CACNA1A: variants seen among roughly 807,000 people sequenced by gnomAD.
The protein encoded by CACNA1A is calcium voltage-gated channel subunit alpha1 A.
CACNA1A carries 57 observed loss-of-function variants against 262.4 expected under a neutral mutation model. The ratio of observed to expected loss-of-function variants is 0.22; its 90% CI spans 0.18 to 0.27. The LOEUF (loss-of-function observed/expected upper bound fraction) is 0.27. CACNA1A is among the 10% of genes least tolerant of loss of function. The pLI, the probability that CACNA1A is intolerant of heterozygous loss-of-function variation, is 1.00. For missense variants in CACNA1A, 2,526 were observed against 3,562.8 expected (o/e 0.71, Z 7.41); for synonymous variants, 1,431 against 1,419.3 (o/e 1.01, Z -0.18).
In CACNA1A at chr19:13,447,844, G is replaced by A. The variant is rs139202366; in HGVS notation, c.539+5032C>T. On this transcript the variant is annotated intron_variant, in intron 3 of 46. Transcript: ENST00000360228. ...CTACTCTTTCCAACTTCTTCTGCCT[G>A]CTTTTATTCTGGCCACACTGGCAGC... is the stretch of plus-strand genomic sequence containing the variant. Among the ~76,000 whole-genome samples, 167 of 152,334 alleles carry A rather than the reference G, an allele frequency of 1.1e-3. 4 individuals carry two copies. The East Asian group carries it at 0.029, about 27-fold the overall frequency.
Position 13,236,849 on chromosome 19 carries a change from G to C in CACNA1A, c.4951-1119C>G, listed in dbSNP as rs1040223578. Among the ~76,000 whole-genome samples, 2 of 152,114 alleles carry C rather than the reference G, an allele frequency of 1.3e-5. No individual in the cohort carries two copies. Among genetic ancestry groups the C allele is most frequent in the African/African-American group, 4.8e-5 (2 of 41,412 alleles). ...GCCAGAGAGTTGGAGAGTCAGGGAG[G>C]AGACCAGCTAGAGTTAAGTGGCCAT... On this transcript the variant is annotated intron_variant, in intron 31 of 46. Transcript: ENST00000360228. This position sits in a 1 kb window ranked among gnomAD's most constrained non-coding sequence, Gnocchi z 4.6.
chr19:13,233,886 A>G (rs988160223), intron 34 of CACNA1A, among the ~76,000 whole-genome samples: 1 of 151,984 alleles, frequency 6.6e-6, no homozygotes, highest in Non-Finnish European at 1.5e-5. Flanking sequence ...TTAGCTTCCA[A>G]AGTGCTTAAA....
chr19:13,337,728 A>C lies in CACNA1A; in HGVS notation c.979-1819T>G, dbSNP rs2058600899. Among the ~76,000 whole-genome samples, 4 of 152,282 alleles carry C rather than the reference A, an allele frequency of 2.6e-5. No individual in the cohort carries two copies. The South Asian group carries it at 8.3e-4, about 32-fold the overall frequency. ...AATTAAGTCATGCTTAACAATGGGCATACATTCTGAAAAATGTGTCACTAG... is the reference window on the plus strand; with the variant it reads ...AATTAAGTCATGCTTAACAATGGGCCTACATTCTGAAAAATGTGTCACTAG... On this transcript the variant is annotated intron_variant, in intron 6 of 46. Coordinates refer to ENST00000360228, the MANE Select transcript of CACNA1A (RefSeq NM_001127222.2).
chr19:13,432,967 TG>T (rs1321916374), intron 3 of CACNA1A, among the ~76,000 whole-genome samples: 2 of 151,814 alleles, frequency 1.3e-5, no homozygotes, highest in Non-Finnish European at 2.9e-5. Context: ...GAGACCAGCT[TG>T]GGCAACATAG....
At chr19:13,378,150 A>G (rs1445397895) in intron 3 of CACNA1A, among the ~76,000 whole-genome samples, 2 of 152,220 alleles carry the variant, frequency 1.3e-5, no homozygotes, top group Non-Finnish European at 2.9e-5. Flanking sequence ...AACTAGCAAG[A>G]GAACTAGAGT....
At chr19:13,345,895 C>CTTTTTTTTTT (rs55982966) in intron 6 of CACNA1A, among the ~76,000 whole-genome samples, 1 of 100,532 alleles carries the variant, frequency 9.9e-6, no homozygotes, top group Non-Finnish European at 2.0e-5. Context: ...TTCACGAAGT[C>CTTTTTTTTTT]TTTTTTTTTT....
intron 3 of CACNA1A, among the ~76,000 whole-genome samples, chr19:13,408,386 T>A (rs1468143247): frequency 6.6e-6 from 1 of 151,936 alleles, no homozygotes; most frequent in Non-Finnish European, 1.5e-5. Flanking sequence ...ATATATGTGG[T>A]GAAACAAAAG....
chr19:13,443,996 C>T (rs147142389), intron 3 of CACNA1A, among the ~76,000 whole-genome samples: 80 of 152,252 alleles, frequency 5.3e-4, no homozygotes, highest in African/African-American at 1.7e-3. Context: ...ATAAGAATAA[C>T]GACCATGGCA....
chr19:13,293,921 C>T (rs1568502497), intron 19 of CACNA1A, among the ~76,000 whole-genome samples: 1 of 152,086 alleles, frequency 6.6e-6, no homozygotes, highest in Admixed American at 6.6e-5. Flanking sequence ...CCTTTCACAA[C>T]CAGGCTTTGC....
intron 22 of CACNA1A, among the ~76,000 whole-genome samples, chr19:13,282,670 T>C (rs188242977): frequency 2.0e-3 from 296 of 151,204 alleles, no homozygotes; most frequent in Admixed American, 5.3e-3. Context: ...TTCCCATCTG[T>C]CAAATGGGGA....
rs1600238829 is a variant in CACNA1A, at chr19:13,283,318, G to A, written c.3771C>T (p.Ser1257=). ...CAGGGTCCTCGGCGGCCAGGGCGAT[G>A]CTGCTCATGGCAATGACCATGAGGA... is the stretch of plus-strand genomic sequence containing the variant. ...MCILMVIAMS[S]IALAAEDPVQ... The change falls in exon 22 of 47, where the codon AGC becomes AGT. Residue 1257 remains serine (S), a synonymous_variant. Coordinates refer to ENST00000360228, the MANE Select transcript of CACNA1A (RefSeq NM_001127222.2). 8.1e-6 allele frequency: 13 copies of A among 1,614,018 alleles called. No individual in the cohort carries two copies. Among genetic ancestry groups the A allele is most frequent in the Non-Finnish European group, 9.3e-6 (11 of 1,179,874 alleles).
Position 13,234,791 on chromosome 19 carries a change from T to C in CACNA1A, c.5249+130A>G. The C allele has an allele frequency of 7.3e-6, 5 of 682,298 alleles. No individual in the cohort carries two copies. In the South Asian group the frequency reaches 8.9e-5, roughly 12 times the overall value. The allele number at this position is 682,298 out of a possible 1,614,324, so 42.3% of individuals were successfully genotyped here. A position where few individuals can be genotyped will look rare whatever the true frequency, so the allele number is the denominator to read the frequency against. ...GAAAAGAAGGGTGAGGGCGCGCCCC[T>C]GCCAGAAGAGAAGGAGGAGGGCACG... On this transcript the variant is annotated intron_variant, in intron 34 of 46. Coordinates refer to ENST00000360228, the MANE Select transcript of CACNA1A (RefSeq NM_001127222.2).
chr19:13,418,868 T>A (rs2060270510), intron 3 of CACNA1A, among the ~76,000 whole-genome samples: 2 of 152,210 alleles, frequency 1.3e-5, no homozygotes, highest in African/African-American at 4.8e-5. Flanking sequence ...GTATTTTTAC[T>A]GTACCTTTTC....
chr19:13,334,958 T>G (rs2058538489), intron 7 of CACNA1A, among the ~76,000 whole-genome samples: 1 of 151,432 alleles, frequency 6.6e-6, no homozygotes. Flanking sequence ...CGCTTGTGCC[T>G]AGGAGTTCTA....
chr19:13,243,195 G>A (rs1310392762), intron 31 of CACNA1A, among the ~76,000 whole-genome samples: 2 of 152,266 alleles, frequency 1.3e-5, no homozygotes, highest in Non-Finnish European at 2.9e-5. Flanking sequence ...GAATGACCAG[G>A]TGGGGGCACC....
chr19:13,215,494 T>C (rs1349577252), intron 38 of CACNA1A, among the ~76,000 whole-genome samples: 4 of 151,220 alleles, frequency 2.6e-5, no homozygotes, highest in Admixed American at 6.6e-5. Flanking sequence ...TAATTTTGTA[T>C]TTTTAGTAGA....
intron 3 of CACNA1A, among the ~76,000 whole-genome samples, chr19:13,432,271 C>T (rs1000024000): frequency 1.3e-5 from 2 of 150,232 alleles, no homozygotes; most frequent in African/African-American, 2.4e-5. Flanking sequence ...AAAAATTAGC[C>T]GGGCCTGGTG....
intron 28 of CACNA1A, among the ~76,000 whole-genome samples, chr19:13,255,691 TCCTCCCTCCTTCCTTC>T (rs2056529959): frequency 2.4e-5 from 1 of 41,576 alleles, no homozygotes; most frequent in Admixed American, 2.2e-4. Context: ...CTTCCTTCCT[TCCTCCCTCCTTCCTTC>T]CCTCCCTCCC....
At chr19:13,399,594 T>C (rs2059865410) in intron 3 of CACNA1A, among the ~76,000 whole-genome samples, 1 of 152,188 alleles carries the variant, frequency 6.6e-6, no homozygotes, top group Admixed American at 6.5e-5. Flanking sequence ...TTCTCATTTT[T>C]ACAGACAGAC....
Sources: gnomAD v4.1 joint callset for allele counts (sites outside exome capture counted in the v4.1 genomes callset) on GRCh38, gnomAD v4.1.1 for gene constraint, Gnocchi (gnomAD v3.1) non-coding constraint, MANE v1.5 for transcripts, NCBI Gene and HGNC (gene_info 2026-07-23, HGNC 2026-07-21) for gene names.